The following RANBP2 variants were observed in gnomAD, a reference collection of about 807,000 sequenced individuals.
RANBP2 encodes the protein E3 SUMO-protein ligase RanBP2.
A neutral mutation model predicts 303.6 loss-of-function variants in RANBP2; 57 were observed. That is an observed-to-expected ratio of 0.19 (90% confidence interval 0.15 to 0.23). RANBP2 has a LOEUF of 0.23. RANBP2 is among the 10% of genes least tolerant of loss of function. The probability of loss-of-function intolerance (pLI) is 1.00; values close to 1 mark genes in which losing one functional copy is unlikely to be tolerated. For missense variants in RANBP2, 3,138 were observed against 3,780.8 expected (o/e 0.83, Z 4.46); for synonymous variants, 1,167 against 1,301.5 (o/e 0.90, Z 2.23).
the RANBP2 span, among the ~76,000 whole-genome samples, chr2:109,078,077 AAT>A: frequency 6.3e-3 from 299 of 47,360 alleles, 3 homozygotes; most frequent in African/African-American, 0.034. Context: ...TTGACAGATG[AAT>A]ATATATATAT....
the RANBP2 span, chr2:109,614,032 C>A: frequency 3.3e-6 from 4 of 1,208,526 alleles, no homozygotes; most frequent in Non-Finnish European, 4.1e-6. Flanking sequence ...GTGGTGCGCG[C>A]TGAGCGTTTT....
the RANBP2 span, among the ~76,000 whole-genome samples, chr2:108,891,396 C>A: frequency 5.9e-5 from 9 of 152,118 alleles, no homozygotes; most frequent in Non-Finnish European, 1.0e-4. Context: ...TCTGGATGCA[C>A]GTAGTAATGT....
chr2:109,411,206 T>C, the RANBP2 span, among the ~76,000 whole-genome samples: 1 of 152,182 alleles, frequency 6.6e-6, no homozygotes, highest in South Asian at 2.1e-4. Context: ...GCGCCATTGG[T>C]TGGGGGCTGA....
chr2:109,637,274 A>T, the RANBP2 span, among the ~76,000 whole-genome samples: 3 of 152,312 alleles, frequency 2.0e-5, no homozygotes, highest in Non-Finnish European at 4.4e-5. Flanking sequence ...TTTTTCTCTC[A>T]TCTCAGAATT....
rs767968508 is a variant in RANBP2 at position 108,767,387 on chromosome 2, A to G, written c.6848A>G (p.Lys2283Arg). 8 of 1,611,890 alleles carry G rather than the reference A, an allele frequency of 5.0e-6. No individual in the cohort carries two copies. The Admixed American group carries it at 1.0e-4, about 20-fold the overall frequency. ...SALSPSKSPA[K>R]LNQSGTSVGT... ...TTGAGTCCATCTAAGTCTCCTGCCAAGTTGAATCAGAGTGGGACTTCAGTT... is the reference window on the plus strand; with the variant it reads ...TTGAGTCCATCTAAGTCTCCTGCCAGGTTGAATCAGAGTGGGACTTCAGTT... The change falls in exon 20 of 29, where the codon AAG (lysine) becomes AGG (arginine). Residue 2283 changes from lysine to arginine, a missense_variant. Lys to Arg is a conservative substitution (Grantham distance 26, BLOSUM62 2). Around this residue, in one of 20 missense-constraint regions of RANBP2, gnomAD observed 72 missense variants for 86.8 expected, o/e 0.83. Transcript: ENST00000283195.
downstream of RANBP2, among the ~76,000 whole-genome samples, chr2:108,786,288 T>G (rs1004765334): frequency 2.0e-5 from 3 of 146,614 alleles, no homozygotes; most frequent in African/African-American, 7.7e-5. Context: ...GAGATGGGAG[T>G]CTTGCTATGT....
At chr2:109,021,764 CT>C in the RANBP2 span, among the ~76,000 whole-genome samples, 4 of 152,064 alleles carry the variant, frequency 2.6e-5, no homozygotes, top group Non-Finnish European at 5.9e-5. Context: ...GTGAACTCAC[CT>C]GGGCATCCCC....
At chr2:109,656,519 T>C in the RANBP2 span, among the ~76,000 whole-genome samples, 6 of 152,176 alleles carry the variant, frequency 3.9e-5, no homozygotes, top group Non-Finnish European at 8.8e-5. Flanking sequence ...TTTGTAGTTT[T>C]AGTAGAGACA....
At chr2:108,761,008 G>A (rs1354171276) in intron 18 of RANBP2, among the ~76,000 whole-genome samples, 1 of 151,258 alleles carries the variant, frequency 6.6e-6, no homozygotes, top group Non-Finnish European at 1.5e-5. Context: ...TATTCATATG[G>A]TGCTTTTAAA....
chr2:108,960,152 C>A, the RANBP2 span, among the ~76,000 whole-genome samples: 1 of 152,190 alleles, frequency 6.6e-6, no homozygotes, highest in Non-Finnish European at 1.5e-5. Context: ...GGGTGGGGAT[C>A]CCAGCCCTGG....
Position 108,753,914 on chromosome 2 carries a change from G to C in RANBP2, c.2145G>C (p.Arg715Ser), listed in dbSNP as rs747539365. 31 of 1,611,764 alleles carry C rather than the reference G, an allele frequency of 1.9e-5. No individual in the cohort carries two copies. Among genetic ancestry groups the C allele is most frequent in the Non-Finnish European group, 2.6e-5 (31 of 1,179,848 alleles). Residue 715 changes from arginine to serine, a missense_variant, in exon 15 of 29, where the codon AGG becomes AGC. Arg to Ser is a moderately radical substitution (Grantham distance 110). This residue lies in a region of RANBP2 where 194 missense variants were observed against 197.4 expected (regional missense o/e 0.98). Coordinates refer to ENST00000283195, the MANE Select transcript of RANBP2 (RefSeq NM_006267.5). ...GCAAAAATTATCTGAGAAAGACCAG[G>C]GACTACCTAATAAAGATTATAGATG... ...EECKNYLRKT[R>S]DYLIKIIDDS...
At position 108,765,779 on chromosome 2, in the gene RANBP2, G is replaced by A. The variant is rs758509063; in HGVS notation, c.5240G>A (p.Cys1747Tyr). Reference sequence around the variant, plus strand: ...GCCAGTGCTACCAAATGTATTGCTTGTCAGTGTCCAAGTAAACAAAATCAA... The same window carrying A: ...GCCAGTGCTACCAAATGTATTGCTTATCAGTGTCCAAGTAAACAAAATCAA... Reference protein sequence around the residue: ...NEASATKCIACQCPSKQNQTT... With the variant: ...NEASATKCIAYQCPSKQNQTT... Residue 1747 changes from cysteine (C) to tyrosine (Y), a missense_variant, in exon 20 of 29, where the codon TGT (cysteine) becomes TAT (tyrosine). Around this residue, in one of 20 missense-constraint regions of RANBP2, gnomAD observed 348 missense variants for 360.4 expected, o/e 0.97. Transcript: ENST00000283195. 3 of 1,613,892 alleles carry A rather than the reference G, an allele frequency of 1.9e-6. No homozygotes were observed. The highest frequency in any genetic ancestry group is 1.7e-6 in the Non-Finnish European group (2 of 1,179,976).
the RANBP2 span, among the ~76,000 whole-genome samples, chr2:108,925,156 T>A: frequency 1.3e-5 from 2 of 150,816 alleles, no homozygotes; most frequent in African/African-American, 2.4e-5. Flanking sequence ...GCTCCTGGGC[T>A]GGGAGGCCCT....
the RANBP2 span, among the ~76,000 whole-genome samples, chr2:109,189,977 C>T: frequency 6.6e-6 from 1 of 152,210 alleles, no homozygotes; most frequent in Non-Finnish European, 1.5e-5. Context: ...TGGTGTTTCT[C>T]TAACAGATCT....
chr2:109,067,673 A>T, the RANBP2 span, among the ~76,000 whole-genome samples: 1 of 152,202 alleles, frequency 6.6e-6, no homozygotes, highest in Admixed American at 6.5e-5. Context: ...GCTGACTGGA[A>T]TCAACCCGGA....
the RANBP2 span, among the ~76,000 whole-genome samples, chr2:108,977,999 G>A: frequency 6.6e-6 from 1 of 152,220 alleles, no homozygotes; most frequent in East Asian, 1.9e-4. Flanking sequence ...TTCTCGTAGA[G>A]GAACTCCAGC....
chr2:109,448,721 A>G, the RANBP2 span, among the ~76,000 whole-genome samples: 2 of 152,218 alleles, frequency 1.3e-5, no homozygotes, highest in African/African-American at 4.8e-5. Flanking sequence ...TAGTAATAAT[A>G]GAAATAAAGT....
chr2:109,176,607 C>T, the RANBP2 span, among the ~76,000 whole-genome samples: 2 of 152,174 alleles, frequency 1.3e-5, no homozygotes, highest in African/African-American at 4.8e-5. Flanking sequence ...TGTGGTGGCA[C>T]ATGCCTGTAG....
chr2:109,377,268 G>A, the RANBP2 span, among the ~76,000 whole-genome samples: 10 of 152,168 alleles, frequency 6.6e-5, no homozygotes, highest in African/African-American at 2.2e-4. Flanking sequence ...GGGCCAGCGG[G>A]GCGTTGGTCT....
Sources: gnomAD v4.1 joint callset for allele counts (sites outside exome capture counted in the v4.1 genomes callset) on GRCh38, gnomAD v4.1.1 for gene constraint, gnomAD v4.1.1 regional missense constraint, MANE v1.5 for transcripts, NCBI Gene and HGNC (gene_info 2026-07-23, HGNC 2026-07-21) for gene names.